Variants in RAPGEF5 observed in about 807,000 individuals in gnomAD.
RAPGEF5 encodes M-Ras-regulated GEF.
A neutral mutation model predicts 125.2 loss-of-function variants in RAPGEF5; 65 were observed. The ratio of observed to expected loss-of-function variants is 0.52; its 90% CI spans 0.43 to 0.64. RAPGEF5 has a LOEUF of 0.64. Among genes scored for constraint, RAPGEF5 ranks in the 30% least tolerant of loss-of-function variants. RAPGEF5 has a pLI of 0.00. For synonymous variants in RAPGEF5, 391 were observed against 385.9 expected (o/e 1.01, Z -0.16); for missense variants, 958 against 1,048.1 (o/e 0.91, Z 1.19).
At chr7:22,139,742 C>T (rs959759440) in intron 21 of RAPGEF5, 3 of 308,162 alleles carry the variant, frequency 9.7e-6, no homozygotes, top group Admixed American at 8.2e-5. Context: ...TCTGAGCACG[C>T]ATCATCATGC....
chr7:22,302,242 T>C (rs1167743542), intron 5 of RAPGEF5, among the ~76,000 whole-genome samples: 1 of 152,180 alleles, frequency 6.6e-6, no homozygotes, highest in Non-Finnish European at 1.5e-5. Flanking sequence ...ACAGGCAGCA[T>C]GTTTGGTAAA....
intron 11 of RAPGEF5, 61 bp downstream of exon 11, chr7:22,193,306 G>A (rs1317448468): frequency 5.3e-6 from 8 of 1,511,460 alleles, no homozygotes; most frequent in South Asian, 1.2e-5. Flanking sequence ...TTGCCCCTGA[G>A]GGTACTGACA....
chr7:22,191,063 G>A (rs1345894780), intron 11 of RAPGEF5, among the ~76,000 whole-genome samples: 2 of 151,868 alleles, frequency 1.3e-5, no homozygotes, highest in African/African-American at 2.4e-5. Flanking sequence ...CTGCACACCC[G>A]GGCCTTTGAT....
At chr7:22,227,720 T>C (rs951914900) in intron 8 of RAPGEF5, among the ~76,000 whole-genome samples, 18 of 152,054 alleles carry the variant, frequency 1.2e-4, no homozygotes, top group African/African-American at 4.3e-4. Flanking sequence ...TGTGCACCTG[T>C]TGTCCCAGCT....
At chr7:22,188,343 A>T (rs1784884882) in intron 11 of RAPGEF5, among the ~76,000 whole-genome samples, 2 of 152,236 alleles carry the variant, frequency 1.3e-5, no homozygotes, top group Non-Finnish European at 2.9e-5. Flanking sequence ...ATTTTCCTCC[A>T]TGAAAATTAC....
intron 3 of RAPGEF5, among the ~76,000 whole-genome samples, chr7:22,311,363 AG>A (rs1345539560): frequency 6.6e-6 from 1 of 152,172 alleles, no homozygotes; most frequent in African/African-American, 2.4e-5. Flanking sequence ...CTTTATATGC[AG>A]TACTGAAGGA....
chr7:22,137,014 G>A, intron 21 of RAPGEF5, 31 bp from the exon 22 acceptor site: 4 of 1,501,830 alleles, frequency 2.7e-6, no homozygotes, highest in Non-Finnish European at 2.7e-6. Flanking sequence ...AAAAACAGAA[G>A]GTCACAGAAG....
chr7:22,246,666 GC>G (rs1259443596), intron 7 of RAPGEF5, among the ~76,000 whole-genome samples: 1 of 151,032 alleles, frequency 6.6e-6, no homozygotes, highest in Non-Finnish European at 1.5e-5. Context: ...ATTAGCCTTG[GC>G]AAAAAAAAAT....
intron 11 of RAPGEF5, among the ~76,000 whole-genome samples, chr7:22,173,254 A>G (rs1784403139): frequency 6.6e-6 from 1 of 152,218 alleles, no homozygotes; most frequent in African/African-American, 2.4e-5. Context: ...GGTTGGAATA[A>G]TAGATTAAAG....
chr7:22,266,119 A>G (rs934226968), intron 7 of RAPGEF5, among the ~76,000 whole-genome samples: 1 of 152,232 alleles, frequency 6.6e-6, no homozygotes, highest in Non-Finnish European at 1.5e-5. Flanking sequence ...AGAAAGATAT[A>G]AAATGTACAG....
At chr7:22,316,168 A>C (rs1783584778) in intron 2 of RAPGEF5, among the ~76,000 whole-genome samples, 1 of 152,104 alleles carries the variant, frequency 6.6e-6, no homozygotes, top group African/African-American at 2.4e-5. Context: ...GTCCTACTTT[A>C]TAATACTACC....
chr7:22,165,136 G>C (rs973325133), intron 12 of RAPGEF5, among the ~76,000 whole-genome samples: 13 of 152,168 alleles, frequency 8.5e-5, no homozygotes, highest in Admixed American at 7.2e-4. Flanking sequence ...AGAGTTCATG[G>C]GTTTTGATTA....
intron 5 of RAPGEF5, among the ~76,000 whole-genome samples, chr7:22,299,925 T>C: frequency 6.6e-6 from 1 of 152,232 alleles, no homozygotes; most frequent in East Asian, 1.9e-4. Flanking sequence ...TTTTCATTAT[T>C]TGTTTCTTAG....
At chr7:22,159,158 T>C (rs1373120030) in intron 14 of RAPGEF5, among the ~76,000 whole-genome samples, 1 of 152,210 alleles carries the variant, frequency 6.6e-6, no homozygotes, top group East Asian at 1.9e-4. Context: ...CCTTTTTTTC[T>C]TTTTTTGATT....
In RAPGEF5 at chr7:22,209,838, C is replaced by A. The variant is rs191424134; in HGVS notation, c.996+10028G>T. Among the ~76,000 whole-genome samples the A allele has an allele frequency of 9.2e-5, 14 of 152,270 alleles. No homozygotes were observed. The East Asian group carries it at 2.7e-3, about 29-fold the overall frequency. On this transcript the variant is annotated intron_variant, in intron 9 of 25. Transcript: ENST00000665637. Reference sequence around the variant, plus strand: ...AGCACAAAGCCTGAATTAAGAAGTTCTCTAACAAACTAAAGAATTACACTT... The same window carrying A: ...AGCACAAAGCCTGAATTAAGAAGTTATCTAACAAACTAAAGAATTACACTT...
intron 21 of RAPGEF5, among the ~76,000 whole-genome samples, chr7:22,138,042 C>G (rs186710697): frequency 2.6e-5 from 4 of 151,476 alleles, no homozygotes; most frequent in Non-Finnish European, 5.9e-5. Flanking sequence ...CACGCACGCA[C>G]GCACACACAC....
Position 22,119,219 on chromosome 7 carries a change from C to T in RAPGEF5, c.*3187G>A, listed in dbSNP as rs1012395205. On this transcript the variant is annotated 3_prime_UTR_variant, in exon 26 of 26. Coordinates refer to ENST00000665637, the MANE Select transcript of RAPGEF5 (RefSeq NM_012294.5). The surrounding 1 kb of genome is among the most constrained non-coding windows in gnomAD (Gnocchi z 4.1). ...CTCTCTCTTTCATGCCACGATTTCT[C>T]CTCCACTCAGAGGCAAGTATATATT... The T allele has an allele frequency of 4.6e-5, 7 of 152,172 alleles. No homozygotes were observed. The highest frequency in any genetic ancestry group is 1.7e-4 in the African/African-American group (7 of 41,430). 9.4% of individuals were successfully genotyped at this position (152,172 alleles called of 1,614,324 possible). A position where few individuals can be genotyped will look rare whatever the true frequency, so the allele number is the denominator to read the frequency against.
intron 1 of RAPGEF5, among the ~76,000 whole-genome samples, chr7:22,327,357 T>A (rs1465140582): frequency 1.3e-5 from 2 of 152,244 alleles, no homozygotes; most frequent in African/African-American, 4.8e-5. Context: ...GAATTTCCCC[T>A]GATTCATTAC....
At chr7:22,302,747 C>T (rs1223729151) in intron 5 of RAPGEF5, among the ~76,000 whole-genome samples, 2 of 150,458 alleles carry the variant, frequency 1.3e-5, no homozygotes, top group Admixed American at 1.3e-4. Flanking sequence ...AATAACTTTA[C>T]TAAAGGGTGC....
Sources: gnomAD v4.1 joint callset for allele counts (sites outside exome capture counted in the v4.1 genomes callset) on GRCh38, gnomAD v4.1.1 for gene constraint, Gnocchi (gnomAD v3.1) non-coding constraint, MANE v1.5 for transcripts, NCBI Gene and HGNC (gene_info 2026-07-23, HGNC 2026-07-21) for gene names.